The following NLRP9 variants were observed in gnomAD, a reference collection of about 807,000 sequenced individuals.
NLRP9 encodes NACHT, LRR and PYD domains-containing protein 9.
Under a neutral mutation model 83.1 loss-of-function variants are expected in NLRP9, and 88 were observed. The observed-to-expected ratio is 1.06, with a 90% CI of 0.89 to 1.26. The LOEUF is 1.26. NLRP9 is among the 50% of genes most tolerant of loss of function. NLRP9 has a pLI of 0.00. For synonymous variants in NLRP9, 521 were observed against 447.6 expected (o/e 1.16, Z -2.07); for missense variants, 1,308 against 1,179.3 (o/e 1.11, Z -1.60).
At chr19:55,730,212 G>C (rs1988532847) in intron 2 of NLRP9, among the ~76,000 whole-genome samples, 1 of 152,204 alleles carries the variant, frequency 6.6e-6, no homozygotes, top group Non-Finnish European at 1.5e-5. Context: ...CCAGCACTTT[G>C]AGAGGCCAAG....
chr19:55,738,138 G>A lies in NLRP9; in HGVS notation c.237C>T (p.Ile79=). ...CCTTTGTCCAGAGATCTTTCCTATT[G>A]ATCTGTAGAAACAGGTTCAGTGTTA... ...WEVTLNLFLQ[I]NRKDLWTKAQ... is the part of the protein sequence containing the mutation. The change falls in exon 1 of 9, where the codon ATC becomes ATT. Residue 79 remains isoleucine (I), a synonymous_variant. Transcript: ENST00000332836. 3 of 1,614,066 alleles carry A rather than the reference G, an allele frequency of 1.9e-6. No homozygotes were observed. Among genetic ancestry groups the A allele is most frequent in the Non-Finnish European group, 2.5e-6 (3 of 1,180,008 alleles).
At chr19:55,717,027 CTTTT>C in intron 4 of NLRP9, 129 bp from the exon 5 acceptor site, 1 of 504,836 alleles carries the variant, frequency 2.0e-6, no homozygotes, top group African/African-American at 2.1e-5. Context: ...ACTACAGACT[CTTTT>C]TCTTTTTTTT....
At chr19:55,723,865 AAAC>A (rs1988313187) in intron 4 of NLRP9, 112 bp downstream of exon 4, 1 of 782,042 alleles carries the variant, frequency 1.3e-6, no homozygotes, top group African/African-American at 1.7e-5. Flanking sequence ...AAAAGATGAA[AAAC>A]AAGAGAGATG....
At position 55,733,016 on chromosome 19, in the gene NLRP9, A is replaced by G; in HGVS notation, c.815T>C (p.Leu272Pro). 1 of 1,613,978 alleles carries G rather than the reference A, an allele frequency of 6.2e-7. No homozygotes were observed. Among genetic ancestry groups the G allele is most frequent in the Non-Finnish European group, 8.5e-7 (1 of 1,179,990 alleles). Residue 272 changes from leucine to proline, a missense_variant, in exon 2 of 9, where the codon CTT (leucine) becomes CCT (proline). Transcript: ENST00000332836. Reference sequence around the variant, plus strand: ...CATAGCCAGTTTTCCTAATGCAATAAGGAGAGAGGATTCTGGAAGCATCTT... The same window carrying G: ...CATAGCCAGTTTTCCTAATGCAATAGGGAGAGAGGATTCTGGAAGCATCTT... ...QKKMLPESSLLIALGKLAMQK... is the reference protein window; with the variant it reads ...QKKMLPESSLPIALGKLAMQK...
At chr19:55,716,246 T>C (rs1400564334) in intron 5 of NLRP9, among the ~76,000 whole-genome samples, 1 of 150,880 alleles carries the variant, frequency 6.6e-6, no homozygotes, top group African/African-American at 2.4e-5. Context: ...ATTTTTAAAT[T>C]TAAAAATTTT....
rs1216697306 is a variant in NLRP9 at position 55,723,009 on chromosome 19, T to G, written c.2159+971A>C. Among the ~76,000 whole-genome samples the G allele has an allele frequency of 2.0e-5, 3 of 151,366 alleles. 1 individual carries two copies. The highest frequency in any genetic ancestry group is 7.3e-5 in the African/African-American group (3 of 41,160). On this transcript the variant is annotated intron_variant, in intron 4 of 8. Coordinates refer to ENST00000332836, the MANE Select transcript of NLRP9 (RefSeq NM_176820.4). The stretch of plus-strand genomic sequence containing the variant: ...TGGGGCCTGTCGGTGGGTGGGGAGC[T>G]GGGGGAGGGAAAGCATTAGGAGATA...
Position 55,732,595 on chromosome 19 carries a change from A to G in NLRP9, c.1236T>C (p.His412=), listed in dbSNP as rs1226601831. The change falls in exon 2 of 9, where the codon CAT becomes CAC. Residue 412 remains histidine, a synonymous_variant. Coordinates refer to ENST00000332836, the MANE Select transcript of NLRP9 (RefSeq NM_176820.4). The part of the protein sequence containing the change: ...GIWTYTFVFS[H]GDLRRNGLSE... ...ATAACCCATTCCTCCGGAGATCCCCATGGGAAAATACAAATGTATATGTCC... is the reference window on the plus strand; with the variant it reads ...ATAACCCATTCCTCCGGAGATCCCCGTGGGAAAATACAAATGTATATGTCC... 4.3e-6 allele frequency: 7 copies of G among 1,614,068 alleles called. No homozygotes were observed. The highest frequency in any genetic ancestry group is 5.1e-6 in the Non-Finnish European group (6 of 1,180,024).
At chr19:55,709,196 C>CGGAA in intron 8 of NLRP9, 152 bp from the exon 9 acceptor site, 4 of 525,188 alleles carry the variant, frequency 7.6e-6, no homozygotes, top group Middle Eastern at 4.9e-4. Context: ...AAGCATGAAT[C>CGGAA]TTTCCTATAG....
chr19:55,718,187 G>A (rs553285331), intron 4 of NLRP9, among the ~76,000 whole-genome samples: 85 of 152,158 alleles, frequency 5.6e-4, no homozygotes, highest in Non-Finnish European at 1.1e-3. Context: ...AATGCACTGC[G>A]GAAAGCCGCA....
rs750808926 is a variant in NLRP9 at position 55,732,324 on chromosome 19, T to C, written c.1507A>G (p.Ile503Val). 3.1e-6 allele frequency: 5 copies of C among 1,614,226 alleles called. No homozygotes were observed. The highest frequency in any genetic ancestry group is 4.2e-6 in the Non-Finnish European group (5 of 1,180,034). ...IFMFGISTEE[I>V]VSMLETSFGF... ...AAGGAGGTCTCCAGCATGCTGACGA[T>C]TTCTTCTGTTGAAATTCCAAACATG... Residue 503 changes from isoleucine to valine, a missense_variant, in exon 2 of 9, where the codon ATC becomes GTC. Physicochemically the swap from Ile to Val is conservative, Grantham distance 29 (BLOSUM62 3). Transcript: ENST00000332836.
intron 6 of NLRP9, among the ~76,000 whole-genome samples, chr19:55,712,975 G>A (rs373159397): frequency 7.8e-6 from 1 of 128,878 alleles, no homozygotes; most frequent in African/African-American, 2.9e-5. Flanking sequence ...AGAGGAGGAG[G>A]GAAGACAAAG....
chr19:55,709,209 T>A, intron 8 of NLRP9, 165 bp from the exon 9 acceptor site: 2 of 477,720 alleles, frequency 4.2e-6, no homozygotes, highest in Non-Finnish European at 7.2e-6. Flanking sequence ...TCCTATAGGA[T>A]AGGAAGCCTC....
intron 3 of NLRP9, among the ~76,000 whole-genome samples, chr19:55,726,104 G>C (rs760266494): frequency 6.6e-6 from 1 of 151,930 alleles, no homozygotes; most frequent in Non-Finnish European, 1.5e-5. Context: ...GTGGCAAAAA[G>C]GACAGGAATA....
At chr19:55,715,489 A>T (rs1987974558) in intron 5 of NLRP9, among the ~76,000 whole-genome samples, 1 of 152,186 alleles carries the variant, frequency 6.6e-6, no homozygotes. Context: ...GTTTGAGACC[A>T]GCATGACCCA....
chr19:55,729,858 T>C lies in NLRP9; in HGVS notation c.1967A>G (p.Gln656Arg). ...SLAILCKALAQPVCKLRKLIF... is the reference protein window; with the variant it reads ...SLAILCKALARPVCKLRKLIF... ...GAGTTTTCGGAGTTTACAAACAGGC[T>C]GAGCCAGCGCTTTGCAAAGAATCGC... Residue 656 changes from glutamine to arginine, a missense_variant, in exon 3 of 9, where the codon CAG (glutamine) becomes CGG (arginine). Physicochemically the swap from Gln to Arg is conservative, Grantham distance 43. Coordinates refer to ENST00000332836, the MANE Select transcript of NLRP9 (RefSeq NM_176820.4). 6.2e-7 allele frequency: 1 copy of C among 1,613,542 alleles called. No homozygotes were observed. The highest frequency in any genetic ancestry group is 8.5e-7 in the Non-Finnish European group (1 of 1,179,656).
Position 55,732,400 on chromosome 19 carries a change from T to A in NLRP9, c.1431A>T (p.Val477=), listed in dbSNP as rs1401595415. Residue 477 remains valine, a synonymous_variant, in exon 2 of 9, where the codon GTA becomes GTT. Coordinates refer to ENST00000332836, the MANE Select transcript of NLRP9 (RefSeq NM_176820.4). ...TTTGAGGCTGAACCACACTTGCTCT[T>A]ACAAGCTGGGTTATGCTTCCAATGG... is the stretch of plus-strand genomic sequence containing the variant. ...NPAIGSITQL[V]RASVVQPQTL... is the part of the protein sequence containing the mutation. 1.2e-6 allele frequency: 2 copies of A among 1,614,232 alleles called. No individual in the cohort carries two copies. The highest frequency in any genetic ancestry group is 2.2e-5 in the South Asian group (2 of 91,084).
chr19:55,711,625 C>A, intron 8 of NLRP9, 175 bp downstream of exon 8: 1 of 878,314 alleles, frequency 1.1e-6, no homozygotes, highest in Non-Finnish European at 1.8e-6. Flanking sequence ...TGTTGCTTGA[C>A]ATCTTACAAT....
At position 55,732,617 on chromosome 19, in the gene NLRP9, G is replaced by T. The variant is rs1457522814; in HGVS notation, c.1214C>A (p.Thr405Lys). ...CCCATGGGAAAATACAAATGTATAT[G>T]TCCAAATTCCCTCTGCAGCCAAAGC... ...LCALAAEGIW[T>K]YTFVFSHGDL... is the part of the protein sequence containing the mutation. The change falls in exon 2 of 9, where the codon ACA becomes AAA. Residue 405 changes from threonine (T) to lysine (K), a missense_variant. Transcript: ENST00000332836. 1 of 1,614,178 alleles carries T rather than the reference G, an allele frequency of 6.2e-7. No individual in the cohort carries two copies. Among genetic ancestry groups the T allele is most frequent in the African/African-American group, 1.3e-5 (1 of 75,052 alleles).
At chr19:55,710,088 T>C (rs1377905797) in intron 8 of NLRP9, among the ~76,000 whole-genome samples, 2 of 152,170 alleles carry the variant, frequency 1.3e-5, no homozygotes, top group Admixed American at 6.6e-5. Flanking sequence ...GTAGGGAAGA[T>C]GGCTAAGTTT....
Sources: gnomAD v4.1 joint callset for allele counts (sites outside exome capture counted in the v4.1 genomes callset) on GRCh38, gnomAD v4.1.1 for gene constraint, MANE v1.5 for transcripts, NCBI Gene and HGNC (gene_info 2026-07-23, HGNC 2026-07-21) for gene names.